The following PTK2 variants were observed in gnomAD, a reference collection of about 807,000 sequenced individuals.
PTK2 encodes protein tyrosine kinase 2, also known as focal adhesion kinase 1.
A neutral mutation model predicts 150.1 loss-of-function variants in PTK2; 45 were observed. The observed-to-expected ratio is 0.30, with a 90% CI of 0.24 to 0.38. The LOEUF (loss-of-function observed/expected upper bound fraction) is 0.38, where lower values mean the gene tolerates loss of function less well. PTK2 is among the 10% of genes least tolerant of loss of function. PTK2 has a pLI of 1.00. For missense variants in PTK2, 919 were observed against 1,307.3 expected, an observed-to-expected ratio of 0.70 and a Z score of 4.58; for synonymous variants, 432 against 449.2, an observed-to-expected ratio of 0.96 and a Z score of 0.48.
intron 7 of PTK2, among the ~76,000 whole-genome samples, chr8:140,838,522 T>C (rs773959776): frequency 3.9e-5 from 6 of 152,166 alleles, no homozygotes; most frequent in Non-Finnish European, 8.8e-5. Context: ...AGGTTAATAG[T>C]TACATTTTCT....
chr8:140,861,944 C>T lies in PTK2; in HGVS notation c.450+2368G>A, dbSNP rs559374790. Among the ~76,000 whole-genome samples, 3 of 152,206 alleles carry T rather than the reference C, an allele frequency of 2.0e-5. 1 individual carries two copies. The highest frequency in any genetic ancestry group is 4.1e-4 in the South Asian group (2 of 4,820). ...TAATAGGTTCATTACATTTAGCTTT[C>T]TCTTGGGTTTTATAAAGACCGCTGA... On this transcript the variant is annotated intron_variant, in intron 5 of 31. Coordinates refer to ENST00000522684, the Ensembl canonical transcript of PTK2.
rs17852609 is a variant in PTK2, at chr8:140,659,473, G to C, written c.3152C>G (p.Pro1051Arg). Residue 1051 changes from proline (P) to arginine (R), a missense_variant, in exon 32 of 32, where the codon CCA becomes CGA. Physicochemically the swap from Pro to Arg is moderately radical, Grantham distance 103 (BLOSUM62 -2). Coordinates refer to ENST00000522684, the Ensembl canonical transcript of PTK2. ...CGTGCTCCTAGGGGAGGCTCAGTGT[G>C]GTCTCGTCTGCCCAAGCATTTTCAG... 4 of 1,611,734 alleles carry C rather than the reference G, an allele frequency of 2.5e-6. No homozygotes were observed. The African/African-American group carries it at 5.3e-5, about 22-fold the overall frequency.
chr8:140,846,405 T>C, intron 6 of PTK2, 83 bp from the exon 7 acceptor site: 2 of 1,410,764 alleles, frequency 1.4e-6, no homozygotes, highest in Non-Finnish European at 2.0e-6. Flanking sequence ...GGGAGAGGCA[T>C]CTGAATAATA....
chr8:140,934,106 C>T (rs1294598497), intron 1 of PTK2, among the ~76,000 whole-genome samples: 1 of 152,114 alleles, frequency 6.6e-6, no homozygotes, highest in Non-Finnish European at 1.5e-5. Context: ...AACTAAAATT[C>T]CTAAATGAAC....
intron 1 of PTK2, among the ~76,000 whole-genome samples, chr8:140,974,597 T>C (rs1389941303): frequency 6.6e-6 from 1 of 152,252 alleles, no homozygotes; most frequent in African/African-American, 2.4e-5. Flanking sequence ...CAGTTTGAGA[T>C]GCATTACATT....
Position 140,987,796 on chromosome 8 carries a change from ACTT to A in PTK2, c.-122+13326_-122+13328del, listed in dbSNP as rs1056086387. ...CGTGGCTCACTCCTATGACCCCAGC[ACTT>A]TGGAATGCCAAGACTGGAGGATTGC... On this transcript the variant is annotated intron_variant, in intron 1 of 31. Transcript: ENST00000522684. Among the ~76,000 whole-genome samples, 36 of 152,356 alleles carry A rather than the reference ACTT, an allele frequency of 2.4e-4. 1 individual carries two copies. The highest frequency in any genetic ancestry group is 1.4e-3 in the Admixed American group (22 of 15,308).
intron 12 of PTK2, among the ~76,000 whole-genome samples, chr8:140,800,107 G>A (rs1014745368): frequency 6.6e-6 from 1 of 152,108 alleles, no homozygotes; most frequent in Non-Finnish European, 1.5e-5. Flanking sequence ...TTTATAGTGA[G>A]TTATAACGGA....
Position 140,669,308 on chromosome 8 carries a change from T to C in PTK2, c.2710-884A>G, listed in dbSNP as rs1470121849. ...TTACACCAGCATAAAATGGTATATA[T>C]ATATATATATATATATATATATATA... On this transcript the variant is annotated intron_variant, in intron 29 of 31. Transcript: ENST00000522684. 39 of 25,278 alleles carry C rather than the reference T, an allele frequency of 1.5e-3. 1 individual carries two copies. The highest frequency in any genetic ancestry group is 2.6e-3 in the African/African-American group (35 of 13,418). 1.6% of individuals were successfully genotyped at this position (25,278 alleles called of 1,614,324 possible). A position where few individuals can be genotyped will look rare whatever the true frequency, so the allele number is the denominator to read the frequency against.
chr8:140,864,717 A>G (rs1171681656), intron 4 of PTK2, among the ~76,000 whole-genome samples: 2 of 152,094 alleles, frequency 1.3e-5, no homozygotes, highest in Non-Finnish European at 2.9e-5. Context: ...ATCTTCCACG[A>G]CTTCCCACGT....
intron 10 of PTK2, among the ~76,000 whole-genome samples, chr8:140,806,571 T>G (rs1322097004): frequency 5.3e-5 from 8 of 152,192 alleles, no homozygotes; most frequent in Admixed American, 5.2e-4. Context: ...GAAATTATAT[T>G]TTTTAAAATT....
chr8:140,735,698 T>C (rs959312033), intron 21 of PTK2, among the ~76,000 whole-genome samples: 1 of 152,362 alleles, frequency 6.6e-6, no homozygotes, highest in East Asian at 1.9e-4. Flanking sequence ...AGGTTTATTT[T>C]TTCTCTAGAA....
At chr8:140,750,741 C>A (rs558595231) in intron 17 of PTK2, among the ~76,000 whole-genome samples, 27 of 152,274 alleles carry the variant, frequency 1.8e-4, no homozygotes, top group African/African-American at 6.0e-4. Flanking sequence ...CTCAAGGAAG[C>A]TTCTTCAGAG....
chr8:140,883,674 A>C (rs1302746017), intron 3 of PTK2, among the ~76,000 whole-genome samples: 4 of 152,074 alleles, frequency 2.6e-5, no homozygotes, highest in Non-Finnish European at 5.9e-5. Context: ...CTGTTCTCCA[A>C]CACCTAGTAC....
intron 10 of PTK2, among the ~76,000 whole-genome samples, chr8:140,808,877 T>C (rs145278096): frequency 4.8e-4 from 73 of 151,918 alleles, no homozygotes; most frequent in African/African-American, 1.6e-3. Flanking sequence ...GCTGGGACTA[T>C]AGGCGCCACC....
At chr8:140,773,873 C>T (rs2085465734) in intron 14 of PTK2, among the ~76,000 whole-genome samples, 2 of 152,154 alleles carry the variant, frequency 1.3e-5, no homozygotes, top group Non-Finnish European at 2.9e-5. Context: ...TGCCTTTCAA[C>T]AATTGCTCCG....
chr8:140,746,779 T>C, exon 18 of PTK2: 1 of 1,612,212 alleles, frequency 6.2e-7, no homozygotes, highest in Non-Finnish European at 8.5e-7. Flanking sequence ...TGTGCACAGC[T>C]CCATGATTAT....
chr8:140,784,725 G>A (rs2100083879), intron 14 of PTK2, among the ~76,000 whole-genome samples: 1 of 151,894 alleles, frequency 6.6e-6, no homozygotes, highest in South Asian at 2.1e-4. Flanking sequence ...TAATAATTAG[G>A]CTTAAAAAAA....
At chr8:140,980,347 G>T (rs1432233877) in intron 1 of PTK2, among the ~76,000 whole-genome samples, 1 of 152,232 alleles carries the variant, frequency 6.6e-6, no homozygotes, top group African/African-American at 2.4e-5. Flanking sequence ...GCCGGGCACG[G>T]TGGCTCACGC....
intron 5 of PTK2, among the ~76,000 whole-genome samples, chr8:140,858,924 A>C (rs937072395): frequency 2.0e-5 from 3 of 152,244 alleles, no homozygotes; most frequent in African/African-American, 4.8e-5. Context: ...TTTCAAAATG[A>C]GCCAAAAGAG....
Sources: gnomAD v4.1 joint callset for allele counts (sites outside exome capture counted in the v4.1 genomes callset) on GRCh38, gnomAD v4.1.1 for gene constraint, MANE v1.5 for transcripts, NCBI Gene and HGNC (gene_info 2026-07-23, HGNC 2026-07-21) for gene names.